MMD2: variants seen among roughly 807,000 people sequenced by gnomAD.
The protein encoded by MMD2 is monocyte to macrophage differentiation associated 2, also known as monocyte to macrophage differentiation factor 2.
A neutral mutation model predicts 33.5 loss-of-function variants in MMD2; 30 were observed. That is an observed-to-expected ratio of 0.90 (90% CI 0.67 to 1.22). MMD2 has a LOEUF of 1.22. Among genes scored for constraint, MMD2 ranks in the 50% most tolerant of loss-of-function variants. The pLI, the probability that MMD2 is intolerant of heterozygous loss-of-function variation, is 0.00. For missense variants in MMD2, 364 were observed against 325.4 expected (o/e 1.12, Z -0.91); for synonymous variants, 129 against 123.0 (o/e 1.05, Z -0.32).
At chr7:4,926,753 C>CTT (rs369475675) in intron 1 of MMD2, among the ~76,000 whole-genome samples, 2 of 150,428 alleles carry the variant, frequency 1.3e-5, no homozygotes, top group African/African-American at 2.4e-5. Flanking sequence ...TTTCTTTTTT[C>CTT]TTTTTTTTTG....
At chr7:4,904,327 C>T (rs780059999), downstream of MMD2, among the ~76,000 whole-genome samples, 1 of 152,180 alleles carries the variant, frequency 6.6e-6, no homozygotes, top group African/African-American at 2.4e-5. Flanking sequence ...ACTTCTTTTC[C>T]TTTCCTGCAC....
At chr7:4,933,964 C>T (rs1441287951) in intron 1 of MMD2, among the ~76,000 whole-genome samples, 1 of 126,582 alleles carries the variant, frequency 7.9e-6, no homozygotes, top group Admixed American at 8.8e-5. Flanking sequence ...TTTTTTGAGA[C>T]AGTCTCCTAG....
chr7:4,935,850 C>T (rs899712111), intron 1 of MMD2, among the ~76,000 whole-genome samples: 1 of 152,004 alleles, frequency 6.6e-6, no homozygotes, highest in African/African-American at 2.4e-5. Flanking sequence ...GATCTTTCTA[C>T]CATTCTTGCA....
chr7:4,917,941 T>C (rs1434882001), intron 3 of MMD2, among the ~76,000 whole-genome samples: 1 of 152,158 alleles, frequency 6.6e-6, no homozygotes, highest in Non-Finnish European at 1.5e-5. Flanking sequence ...GTGTGGTTCC[T>C]GAGGCCAGAT....
chr7:4,925,289 C>G (rs1023365776), intron 2 of MMD2, among the ~76,000 whole-genome samples, 162 bp downstream of exon 2: 3 of 151,336 alleles, frequency 2.0e-5, no homozygotes, highest in Admixed American at 6.6e-5. Flanking sequence ...CCAGTTTACC[C>G]CAGTGGCCTT....
intron 1 of MMD2, among the ~76,000 whole-genome samples, chr7:4,937,878 G>A (rs184903089): frequency 6.6e-6 from 1 of 151,580 alleles, no homozygotes; most frequent in East Asian, 1.9e-4. Context: ...CAAACTCCTG[G>A]CCTCAAGCAG....
intron 1 of MMD2, among the ~76,000 whole-genome samples, chr7:4,943,740 T>TGAAGAGA (rs1785976210): frequency 6.6e-6 from 1 of 152,140 alleles, no homozygotes; most frequent in South Asian, 2.1e-4. Flanking sequence ...CTTCACAAAC[T>TGAAGAGA]GCCTTGAGAG....
rs1166240632 is a variant in MMD2 at position 4,946,872 on chromosome 7, C to A, written c.47+12099G>T. 1.3e-5 allele frequency among the ~76,000 whole-genome samples: 2 copies of A among 152,058 alleles called. No individual in the cohort carries two copies. Among genetic ancestry groups the A allele is most frequent in the Non-Finnish European group, 2.9e-5 (2 of 68,016 alleles). ...TAGCTGGGACTACAGGCTTGTGCCACACTACTAGAAAGAAATACCTGAGAC... is the reference window on the plus strand; with the variant it reads ...TAGCTGGGACTACAGGCTTGTGCCAAACTACTAGAAAGAAATACCTGAGAC... On this transcript the variant is annotated intron_variant, in intron 1 of 6. Transcript: ENST00000401401. This position sits in a 1 kb window ranked among gnomAD's most constrained non-coding sequence, Gnocchi z 5.0.
At chr7:4,922,691 T>C (rs1319746836) in intron 2 of MMD2, among the ~76,000 whole-genome samples, 1 of 151,798 alleles carries the variant, frequency 6.6e-6, no homozygotes. Context: ...CCTCTTGCCT[T>C]GGCCTCCTGA....
chr7:4,927,789 A>G (rs192020902), intron 1 of MMD2, among the ~76,000 whole-genome samples: 2 of 152,182 alleles, frequency 1.3e-5, no homozygotes, highest in East Asian at 1.9e-4. Flanking sequence ...AAGCGTTATC[A>G]CCTCTGTTTA....
intron 1 of MMD2, among the ~76,000 whole-genome samples, chr7:4,934,335 C>T (rs1319624378): frequency 6.6e-6 from 1 of 152,172 alleles, no homozygotes; most frequent in Non-Finnish European, 1.5e-5. Flanking sequence ...AACTGCTGGT[C>T]TCAAGCAATC....
intron 1 of MMD2, among the ~76,000 whole-genome samples, chr7:4,954,210 T>TCTTC (rs1401145662): frequency 6.6e-6 from 1 of 152,216 alleles, no homozygotes; most frequent in African/African-American, 2.4e-5. Context: ...AGGGAGCAGT[T>TCTTC]CTTCACATGC....
chr7:4,909,961 G>A lies in MMD2; in HGVS notation c.468-11C>T, dbSNP rs774820274. 3.7e-6 allele frequency: 6 copies of A among 1,613,832 alleles called. No individual in the cohort carries two copies. Among genetic ancestry groups the A allele is most frequent in the African/African-American group, 1.3e-5 (1 of 74,936 alleles). ...TCCACAAGCTTGTACCTGGCAGGAA[G>A]ACAAGCCGTGCCGGCCTTAGGACAT... On this transcript the variant is annotated splice_polypyrimidine_tract_variant and intron_variant, in intron 5 of 6. Coordinates refer to ENST00000401401, the MANE Select transcript of MMD2 (RefSeq NM_198403.4).
Position 4,940,609 on chromosome 7 carries a change from T to C in MMD2, c.48-15077A>G, listed in dbSNP as rs1355650309. On this transcript the variant is annotated intron_variant, in intron 1 of 6. Coordinates refer to ENST00000401401, the MANE Select transcript of MMD2 (RefSeq NM_198403.4). The surrounding 1 kb of genome is among the most constrained non-coding windows in gnomAD (Gnocchi z 5.0). ...CGCTTCTTTGTGTCCATTCATGAAT[T>C]CAAGGCTCCTCCTGAAAGGCCGGCG... Among the ~76,000 whole-genome samples the C allele has an allele frequency of 1.3e-5, 2 of 152,222 alleles. No homozygotes were observed. Among genetic ancestry groups the C allele is most frequent in the Non-Finnish European group, 2.9e-5 (2 of 68,038 alleles).
At chr7:4,922,899 GCTAA>G in intron 2 of MMD2, among the ~76,000 whole-genome samples, 2 of 152,276 alleles carry the variant, frequency 1.3e-5, no homozygotes, top group Non-Finnish European at 2.9e-5. Context: ...GCTCATAGGT[GCTAA>G]CTGAGGGAGC....
chr7:4,945,616 C>T (rs1019151826), intron 1 of MMD2, among the ~76,000 whole-genome samples: 17 of 151,728 alleles, frequency 1.1e-4, no homozygotes, highest in Admixed American at 3.3e-4. Flanking sequence ...ACTCTGCCGC[C>T]CAGGCTGGCA....
At chr7:4,925,392 AC>A (rs1184931356) in intron 2 of MMD2, 58 bp downstream of exon 2, 31 of 1,060,316 alleles carry the variant, frequency 2.9e-5, no homozygotes, top group African/African-American at 6.9e-5. Context: ...GACTTCCCCC[AC>A]CCCCCTTCCC....
At chr7:4,927,310 C>T (rs1221539003) in intron 1 of MMD2, among the ~76,000 whole-genome samples, 3 of 151,916 alleles carry the variant, frequency 2.0e-5, no homozygotes, top group African/African-American at 7.2e-5. Flanking sequence ...TTTAAGAGGC[C>T]GAGGCAGGCG....
chr7:4,943,922 C>T (rs1785980313), intron 1 of MMD2, among the ~76,000 whole-genome samples: 1 of 151,726 alleles, frequency 6.6e-6, no homozygotes, highest in South Asian at 2.1e-4. Context: ...CCACCTCAAC[C>T]TCCTGAGTAG....
Sources: allele counts gnomAD v4.1 joint callset (sites outside exome capture counted in the v4.1 genomes callset), GRCh38; gene constraint gnomAD v4.1.1; non-coding constraint Gnocchi (gnomAD v3.1); transcripts MANE v1.5; gene names NCBI Gene and HGNC (gene_info 2026-07-23, HGNC 2026-07-21).